The following ZNF804B variants were observed in gnomAD, a reference collection of about 807,000 sequenced individuals.
ZNF804B encodes the protein zinc finger 804B.
Under a neutral mutation model 101.4 loss-of-function variants are expected in ZNF804B, and 80 were observed. The observed-to-expected ratio is 0.79, with a 90% confidence interval of 0.66 to 0.95. The LOEUF (loss-of-function observed/expected upper bound fraction) is 0.95, where lower values mean the gene tolerates loss of function less well. Ranked by LOEUF, ZNF804B falls within the 40% of genes least tolerant of loss-of-function variation. The probability of loss-of-function intolerance (pLI) is 0.00; values close to 1 mark genes in which losing one functional copy is unlikely to be tolerated. For synonymous variants in ZNF804B, 622 were observed against 558.8 expected (o/e 1.11, Z -1.59); for missense variants, 1,673 against 1,561.9 (o/e 1.07, Z -1.20).
chr7:89,240,927 G>A (rs1249634897), intron 2 of ZNF804B, among the ~76,000 whole-genome samples: 1 of 152,020 alleles, frequency 6.6e-6, no homozygotes, highest in Non-Finnish European at 1.5e-5. Flanking sequence ...TTCTAGCCAT[G>A]CTTTATTCTT....
intron 1 of ZNF804B, among the ~76,000 whole-genome samples, chr7:88,963,719 C>T (rs969325099): frequency 3.3e-5 from 5 of 151,134 alleles, no homozygotes; most frequent in African/African-American, 1.2e-4. Context: ...TCATAGAATC[C>T]TGTTAGGAGA....
intron 1 of ZNF804B, among the ~76,000 whole-genome samples, chr7:89,038,386 G>T (rs1260557786): frequency 2.6e-5 from 4 of 152,060 alleles, no homozygotes; most frequent in Admixed American, 2.6e-4. Flanking sequence ...TCTCATTGTG[G>T]TTTTAATGCA....
intron 2 of ZNF804B, among the ~76,000 whole-genome samples, chr7:89,231,511 T>C (rs977644998): frequency 1.3e-5 from 2 of 152,082 alleles, no homozygotes; most frequent in Non-Finnish European, 2.9e-5. Flanking sequence ...TGATAGGAAT[T>C]GCACTAAATT....
intron 2 of ZNF804B, among the ~76,000 whole-genome samples, chr7:89,227,526 T>G (rs1789113363): frequency 6.6e-6 from 1 of 152,020 alleles, no homozygotes; most frequent in African/African-American, 2.4e-5. Context: ...TATGAAAAAA[T>G]ATATAGGATA....
intron 1 of ZNF804B, among the ~76,000 whole-genome samples, chr7:89,159,986 G>A (rs1791035099): frequency 6.6e-6 from 1 of 152,058 alleles, no homozygotes; most frequent in South Asian, 2.1e-4. Context: ...GCTGAGCGAT[G>A]ATATAAGAAC....
chr7:88,780,937 A>T (rs952928990), intron 1 of ZNF804B, among the ~76,000 whole-genome samples: 2 of 152,136 alleles, frequency 1.3e-5, no homozygotes, highest in African/African-American at 4.8e-5. Flanking sequence ...AATTCTGTTC[A>T]TGGGTATGAA....
At chr7:89,317,459 C>T (rs1218618495) in intron 2 of ZNF804B, among the ~76,000 whole-genome samples, 1 of 152,180 alleles carries the variant, frequency 6.6e-6, no homozygotes, top group Non-Finnish European at 1.5e-5. Flanking sequence ...AAGCAAAGAA[C>T]TGGACTAAGT....
chr7:88,885,599 C>T (rs1016192001), intron 1 of ZNF804B, among the ~76,000 whole-genome samples: 1 of 150,104 alleles, frequency 6.7e-6, no homozygotes, highest in East Asian at 1.9e-4. Context: ...TAAGCAATTA[C>T]AACATACTAG....
intron 1 of ZNF804B, among the ~76,000 whole-genome samples, chr7:89,151,109 CAA>C: frequency 6.6e-6 from 1 of 152,116 alleles, no homozygotes; most frequent in Non-Finnish European, 1.5e-5. Context: ...ATCTGGAAAT[CAA>C]ACGGTTAGAT....
intron 1 of ZNF804B, among the ~76,000 whole-genome samples, chr7:89,118,029 T>C (rs1367631811): frequency 6.6e-6 from 1 of 152,176 alleles, no homozygotes; most frequent in Non-Finnish European, 1.5e-5. Context: ...AGAAGGTTTC[T>C]ACATTTGAGA....
chr7:89,265,647 A>AG (rs1789781132), intron 2 of ZNF804B, among the ~76,000 whole-genome samples: 1 of 152,232 alleles, frequency 6.6e-6, no homozygotes, highest in African/African-American at 2.4e-5. Context: ...CTTCCCTTAC[A>AG]GGGTAATCTC....
chr7:88,969,959 T>A (rs747810784), intron 1 of ZNF804B, among the ~76,000 whole-genome samples: 118 of 151,660 alleles, frequency 7.8e-4, no homozygotes, highest in South Asian at 1.7e-3. Flanking sequence ...TGAATACAGT[T>A]ATAAAACCTG....
At chr7:89,003,245 C>T (rs533187175) in intron 1 of ZNF804B, among the ~76,000 whole-genome samples, 2 of 152,004 alleles carry the variant, frequency 1.3e-5, no homozygotes, top group African/African-American at 4.8e-5. Flanking sequence ...TAACAGTTCT[C>T]CAGAGGAGAC....
intron 1 of ZNF804B, among the ~76,000 whole-genome samples, chr7:88,920,794 T>G (rs1489030340): frequency 6.6e-6 from 1 of 152,122 alleles, no homozygotes; most frequent in Non-Finnish European, 1.5e-5. Flanking sequence ...ATATATTTAC[T>G]CAGCATTTCA....
At chr7:88,937,633 CATAA>C (rs1275691170) in intron 1 of ZNF804B, among the ~76,000 whole-genome samples, 4 of 151,596 alleles carry the variant, frequency 2.6e-5, no homozygotes, top group Non-Finnish European at 5.9e-5. Context: ...AAGCAAGTTT[CATAA>C]ATAAATAATC....
intron 2 of ZNF804B, among the ~76,000 whole-genome samples, chr7:89,247,866 C>T (rs945727189): frequency 1.3e-5 from 2 of 152,044 alleles, no homozygotes; most frequent in Non-Finnish European, 2.9e-5. Context: ...TAATGCAATT[C>T]AGGAAAGGAA....
chr7:88,883,967 A>G lies in ZNF804B; in HGVS notation c.108+123883A>G, dbSNP rs75837362. ...AAAAAACTGGATCTCCAGAAATCAC[A>G]TTATAGATTACAGAAAAAGAAAATT... On this transcript the variant is annotated intron_variant, in intron 1 of 3. Transcript: ENST00000333190. Among the ~76,000 whole-genome samples, 14 of 152,182 alleles carry G rather than the reference A, an allele frequency of 9.2e-5. No homozygotes were observed. The East Asian group carries it at 2.7e-3, about 29-fold the overall frequency.
At chr7:88,832,602 CA>C (rs555676796) in intron 1 of ZNF804B, among the ~76,000 whole-genome samples, 2,023 of 141,732 alleles carry the variant, frequency 0.014, 34 homozygotes, top group African/African-American at 0.042. Context: ...CTTGGTCCTG[CA>C]AAAAAAAAAA....
chr7:89,026,573 G>GGTAT lies in ZNF804B; in HGVS notation c.109-191581_109-191578dup, dbSNP rs1364407151. On this transcript the variant is annotated intron_variant, in intron 1 of 3. Transcript: ENST00000333190. ...TATGAAATAATGGTGACTTGACCTG[G>GGTAT]GTATAACCCTGGGTGTGGTGAGAAA... Among the ~76,000 whole-genome samples the GGTAT allele has an allele frequency of 3.3e-5, 5 of 152,084 alleles. No individual in the cohort carries two copies. The East Asian group carries it at 5.8e-4, about 18-fold the overall frequency.
Sources: allele counts gnomAD v4.1 joint callset (sites outside exome capture counted in the v4.1 genomes callset), GRCh38; gene constraint gnomAD v4.1.1; transcripts MANE v1.5; gene names NCBI Gene and HGNC (gene_info 2026-07-23, HGNC 2026-07-21).